Variants in SRSF11 observed in about 807,000 individuals in gnomAD.
SRSF11 encodes serine and arginine rich splicing factor 11, also known as serine/arginine-rich splicing factor 11.
A neutral mutation model predicts 56.0 loss-of-function variants in SRSF11; 9 were observed. That is an observed-to-expected ratio of 0.16 (90% CI 0.10 to 0.28). SRSF11 has a LOEUF of 0.28. Among genes scored for constraint, SRSF11 ranks in the 10% least tolerant of loss-of-function variants. The pLI is 1.00. For synonymous variants in SRSF11, 222 were observed against 215.3 expected, an observed-to-expected ratio of 1.03 and a Z score of -0.27; for missense variants, 421 against 600.7, an observed-to-expected ratio of 0.70 and a Z score of 3.13.
At chr1:70,231,326 A>G (rs2100738361) in intron 2 of SRSF11, 2 of 1,153,558 alleles carry the variant, frequency 1.7e-6, no homozygotes, top group East Asian at 1.2e-4. Flanking sequence ...ACATTAACAG[A>G]TTAATCCATC....
intron 3 of SRSF11, among the ~76,000 whole-genome samples, chr1:70,232,890 G>T (rs1223956074): frequency 1.3e-5 from 2 of 152,190 alleles, no homozygotes; most frequent in Non-Finnish European, 2.9e-5. Flanking sequence ...TGACAGTGCT[G>T]TACGAAGCTT....
intron 1 of SRSF11, among the ~76,000 whole-genome samples, chr1:70,223,788 A>G (rs1671157048): frequency 1.3e-5 from 2 of 152,194 alleles, no homozygotes; most frequent in African/African-American, 4.8e-5. Context: ...GACTGGCACA[A>G]GTTGCATATA....
At chr1:70,245,774 C>T (rs910438908) in intron 8 of SRSF11, among the ~76,000 whole-genome samples, 1 of 152,040 alleles carries the variant, frequency 6.6e-6, no homozygotes, top group Non-Finnish European at 1.5e-5. Context: ...TGAGACCGAT[C>T]GTGGAAGGCT....
chr1:70,231,991 C>A, intron 2 of SRSF11: 2 of 1,524,292 alleles, frequency 1.3e-6, no homozygotes, highest in Non-Finnish European at 1.8e-6. Context: ...GAAATCTTGG[C>A]AGTGTTAACA....
intron 1 of SRSF11, among the ~76,000 whole-genome samples, chr1:70,223,253 A>G (rs1283494323): frequency 1.3e-5 from 2 of 152,202 alleles, no homozygotes; most frequent in East Asian, 1.9e-4. Context: ...AATTACTACA[A>G]TTCTTTCCAA....
chr1:70,237,672 AT>A, intron 6 of SRSF11, 120 bp downstream of exon 6: 2 of 1,383,848 alleles, frequency 1.4e-6, no homozygotes, highest in Non-Finnish European at 2.0e-6. Context: ...CTGATAAAAG[AT>A]TGTATAGTGG....
chr1:70,246,223 G>GA (rs540957551), intron 8 of SRSF11, among the ~76,000 whole-genome samples: 12 of 151,442 alleles, frequency 7.9e-5, no homozygotes, highest in African/African-American at 2.7e-4. Context: ...TGATCTTGGG[G>GA]AAAAAATATT....
intron 7 of SRSF11, among the ~76,000 whole-genome samples, chr1:70,241,104 G>A (rs1226700988): frequency 2.0e-5 from 3 of 151,928 alleles, no homozygotes; most frequent in Admixed American, 2.0e-4. Context: ...CTTCACTCCT[G>A]GCTTCATCTC....
upstream of SRSF11, among the ~76,000 whole-genome samples, chr1:70,219,363 C>T (rs763189334): frequency 2.1e-4 from 32 of 152,052 alleles, no homozygotes; most frequent in Non-Finnish European, 4.4e-4. Context: ...AATAGGATAG[C>T]GTTTGTATAT....
At chr1:70,227,260 G>A (rs924182777) in intron 1 of SRSF11, among the ~76,000 whole-genome samples, 1 of 152,126 alleles carries the variant, frequency 6.6e-6, no homozygotes, top group African/African-American at 2.4e-5. Flanking sequence ...ACATTGGTGT[G>A]TTTCATTTTT....
chr1:70,240,309 T>C (rs1268016475), intron 7 of SRSF11, among the ~76,000 whole-genome samples: 1 of 152,220 alleles, frequency 6.6e-6, no homozygotes, highest in Admixed American at 6.5e-5. Context: ...GCATTATTTT[T>C]TTCTTTTACT....
At position 70,250,595 on chromosome 1, in the gene SRSF11, C is replaced by A. The variant is rs200723284; in HGVS notation, c.1258-13C>A. On this transcript the variant is annotated splice_polypyrimidine_tract_variant and intron_variant, in intron 11 of 11. Transcript: ENST00000370949. ...TTTGGAGAAGTTTACTTTTATTATT[C>A]TCCTTGGCAAAGCAGGTTACACGGG... The A allele has an allele frequency of 1.4e-4, 233 of 1,608,798 alleles. No homozygotes were observed. Among genetic ancestry groups the A allele is most frequent in the South Asian group, 2.2e-5 (2 of 90,560 alleles).
upstream of SRSF11, among the ~76,000 whole-genome samples, chr1:70,218,408 C>T (rs1336542979): frequency 2.6e-5 from 4 of 152,204 alleles, no homozygotes; most frequent in African/African-American, 9.6e-5. Flanking sequence ...CTTAGTTTCT[C>T]TATAGCAAAG....
Position 70,250,886 on chromosome 1 carries a change from A to G in SRSF11, c.*81A>G, listed in dbSNP as rs1045034343. On this transcript the variant is annotated 3_prime_UTR_variant, in exon 12 of 12. Transcript: ENST00000370949. Reference sequence around the variant, plus strand: ...TGATTTCTTAATGCTGTATTTGTTCATCTCAAACCTAGATGTATACAGCTC... The same window carrying G: ...TGATTTCTTAATGCTGTATTTGTTCGTCTCAAACCTAGATGTATACAGCTC... 2.0e-5 allele frequency: 25 copies of G among 1,257,906 alleles called. No homozygotes were observed. The Middle Eastern group carries it at 8.0e-4, about 40-fold the overall frequency. 77.9% of individuals were successfully genotyped at this position (1,257,906 alleles called of 1,614,324 possible).
chr1:70,215,493 G>T lies in SRSF11; in HGVS notation c.-25-6119G>T, dbSNP rs1185812281. Among the ~76,000 whole-genome samples the T allele has an allele frequency of 8.0e-4, 122 of 152,194 alleles. 2 individuals carry two copies. Among genetic ancestry groups the T allele is most frequent in the Non-Finnish European group, 1.6e-4 (11 of 68,016 alleles). On this transcript the variant is annotated intron_variant, in intron 1 of 12. Transcript: ENST00000370950. ...AGGTGATGGTAGATTTTTGTCTAAT[G>T]CTGGACTTGTTCCAGTATGATATTG...
intron 2 of SRSF11, chr1:70,229,426 A>G (rs1672455668): frequency 9.3e-7 from 1 of 1,075,924 alleles, no homozygotes; most frequent in Non-Finnish European, 1.1e-6. Flanking sequence ...TTTTGGATCT[A>G]AAAAGCCACT....
rs1453399368 is a variant in SRSF11 at position 70,251,204 on chromosome 1, G to A, written c.*399G>A. ...GAGCCATGTAGGAAATGCACTGATT[G>A]CATGTTATTGTGGCAAGAATATCCT... On this transcript the variant is annotated 3_prime_UTR_variant, in exon 12 of 12. Transcript: ENST00000370949. 6.0e-6 allele frequency: 1 copy of A among 166,340 alleles called. No homozygotes were observed. Among genetic ancestry groups the A allele is most frequent in the Admixed American group, 5.7e-5 (1 of 17,488 alleles). The allele number at this position is 166,340 out of a possible 1,614,324, so 10.3% of individuals were successfully genotyped here. A position where few individuals can be genotyped will look rare whatever the true frequency, so the allele number is the denominator to read the frequency against.
chr1:70,228,512 T>A lies in SRSF11; in HGVS notation c.294T>A (p.Thr98=). The A allele has an allele frequency of 6.2e-7, 1 of 1,613,806 alleles. No individual in the cohort carries two copies. The highest frequency in any genetic ancestry group is 8.5e-7 in the Non-Finnish European group (1 of 1,179,798). Residue 98 remains threonine, a synonymous_variant, in exon 2 of 12, where the codon ACT becomes ACA. Transcript: ENST00000370949. ...TTGTGGCACAGCATCTGACAAACAC[T>A]GTATTCGTTGACAGAGCTTTGATAG... is the stretch of plus-strand genomic sequence containing the variant. ...SAVVAQHLTN[T]VFVDRALIVV... is the part of the protein sequence containing the mutation.
Position 70,246,798 on chromosome 1 carries a change from A to C in SRSF11, c.933-20A>C. The C allele has an allele frequency of 6.4e-7, 1 of 1,567,488 alleles. No homozygotes were observed. The highest frequency in any genetic ancestry group is 8.7e-7 in the Non-Finnish European group (1 of 1,146,198). On this transcript the variant is annotated intron_variant, in intron 8 of 11. Transcript: ENST00000370949. ...CAGCTGAGTCTTCTAATGCATTCAT[A>C]AATTGTGTTCATTTGTTAGAGACAA...
Sources: gnomAD v4.1 joint callset for allele counts (sites outside exome capture counted in the v4.1 genomes callset) on GRCh38, gnomAD v4.1.1 for gene constraint, MANE v1.5 for transcripts, NCBI Gene and HGNC (gene_info 2026-07-23, HGNC 2026-07-21) for gene names.